ANO1: variants seen among roughly 807,000 people sequenced by gnomAD.
ANO1 encodes the protein anoctamin 1, also known as anoctamin-1.
A neutral mutation model predicts 124.0 loss-of-function variants in ANO1; 59 were observed. The ratio of observed to expected loss-of-function variants is 0.48; its 90% confidence interval spans 0.39 to 0.59. The LOEUF (loss-of-function observed/expected upper bound fraction) is 0.59, where lower values mean the gene tolerates loss of function less well. ANO1 is among the 20% of genes least tolerant of loss of function. ANO1 has a pLI of 0.00. For missense variants in ANO1, 1,059 were observed against 1,328.0 expected (o/e 0.80, Z 3.15); for synonymous variants, 529 against 532.0 (o/e 0.99, Z 0.08).
chr11:70,096,445 T>TA (rs2044965398), intron 2 of ANO1, among the ~76,000 whole-genome samples: 1 of 152,182 alleles, frequency 6.6e-6, no homozygotes, highest in Non-Finnish European at 1.5e-5. Context: ...GAGCTCTGCC[T>TA]CCTGTCAGAT....
chr11:70,162,652 G>A (rs1308469774), intron 18 of ANO1, among the ~76,000 whole-genome samples: 1 of 149,400 alleles, frequency 6.7e-6, no homozygotes, highest in Non-Finnish European at 1.5e-5. Flanking sequence ...TGATCTCAGA[G>A]CCCCCAAAAA....
chr11:70,078,762 C>T, intron 1 of ANO1, 48 bp downstream of exon 1: 3 of 1,302,832 alleles, frequency 2.3e-6, no homozygotes, highest in South Asian at 3.2e-5. Context: ...CGCACCTGCG[C>T]CTTGGCGAGG....
the ANO1 span, among the ~76,000 whole-genome samples, chr11:69,969,948 A>AAAAC: frequency 0.093 from 14,178 of 151,870 alleles, 888 homozygotes; most frequent in Admixed American, 0.15. Flanking sequence ...CTCATCTCAA[A>AAAAC]AAACAAACAA....
intron 1 of ANO1, among the ~76,000 whole-genome samples, chr11:70,034,207 C>G (rs1345842530): frequency 3.3e-5 from 5 of 152,112 alleles, no homozygotes; most frequent in African/African-American, 1.2e-4. Flanking sequence ...TCAGCCGATA[C>G]CTAGCCTAGA....
intron 1 of ANO1, among the ~76,000 whole-genome samples, chr11:70,044,431 G>A (rs1857227475): frequency 1.3e-5 from 2 of 152,134 alleles, no homozygotes; most frequent in African/African-American, 4.8e-5. Context: ...GGACAAAGAA[G>A]TCAGCTGGAA....
At chr11:69,992,963 G>C (rs1856184451) in intron 1 of ANO1, among the ~76,000 whole-genome samples, 1 of 152,164 alleles carries the variant, frequency 6.6e-6, no homozygotes, top group African/African-American at 2.4e-5. Flanking sequence ...CCTGGAAGGG[G>C]ACCCACACAT....
intron 2 of ANO1, among the ~76,000 whole-genome samples, chr11:70,102,175 A>T (rs1047944398): frequency 6.6e-6 from 1 of 152,146 alleles, no homozygotes; most frequent in Non-Finnish European, 1.5e-5. Context: ...AAGAGTGGGG[A>T]GTCAGGGCAG....
rs112424183 is a variant in ANO1, at chr11:70,041,089, T to G, written c.59-37453T>G. Among the ~76,000 whole-genome samples, 731 of 152,276 alleles carry G rather than the reference T, an allele frequency of 4.8e-3. 2 individuals carry two copies. The highest frequency in any genetic ancestry group is 0.017 in the African/African-American group (706 of 41,562). On this transcript the variant is annotated intron_variant, in intron 1 of 27. Coordinates refer to the ANO1 transcript ENST00000531349. ...GCCCTGAGACTCCATGAGGCTGTGA[T>G]GCTTTGGGGCACACCCACCCCACCC...
At chr11:70,158,277 C>T (rs978336849) in intron 16 of ANO1, among the ~76,000 whole-genome samples, 1 of 152,150 alleles carries the variant, frequency 6.6e-6, no homozygotes, top group African/African-American at 2.4e-5. Flanking sequence ...TTTCCATCAC[C>T]CCCCAAGTAC....
Position 70,161,274 on chromosome 11 carries a change from C to T in ANO1, c.1692C>T (p.Val564=). Residue 564 remains valine (V), a synonymous_variant, in exon 17 of 26, where the codon GTC becomes GTT. Transcript: ENST00000355303. ...PSVRSNIRVT[V]TATAVIINLV... is the part of the protein sequence containing the mutation. ...TGCGGTCCAACATCCGGGTCACAGT[C>T]ACAGCCACCGCAGTCATCATCAACC... 1 of 1,613,924 alleles carries T rather than the reference C, an allele frequency of 6.2e-7. No individual in the cohort carries two copies. Among genetic ancestry groups the T allele is most frequent in the Non-Finnish European group, 8.5e-7 (1 of 1,179,798 alleles).
chr11:70,083,797 A>C (rs1590681801), intron 1 of ANO1, among the ~76,000 whole-genome samples: 2 of 152,180 alleles, frequency 1.3e-5, no homozygotes, highest in African/African-American at 4.8e-5. Context: ...ATCTCTAGAC[A>C]GTCCCTGGCC....
At chr11:70,079,825 G>T (rs2044150395) in intron 1 of ANO1, among the ~76,000 whole-genome samples, 1 of 152,340 alleles carries the variant, frequency 6.6e-6, no homozygotes, top group Admixed American at 6.5e-5. Context: ...CTGTTCCAGC[G>T]ACAGCAGGGA....
chr11:70,049,174 G>A (rs1328963916), intron 1 of ANO1, among the ~76,000 whole-genome samples: 2 of 152,076 alleles, frequency 1.3e-5, no homozygotes, highest in African/African-American at 2.4e-5. Context: ...ACCATGACCC[G>A]ACATGAAGTG....
chr11:70,004,212 T>G (rs1246210583), intron 1 of ANO1, among the ~76,000 whole-genome samples: 2 of 152,178 alleles, frequency 1.3e-5, no homozygotes, highest in Non-Finnish European at 2.9e-5. Context: ...GTTGGCTGGA[T>G]GTTTTTCAAG....
intron 1 of ANO1, among the ~76,000 whole-genome samples, chr11:69,997,685 C>T (rs953418573): frequency 6.6e-6 from 1 of 152,148 alleles, no homozygotes; most frequent in Admixed American, 6.5e-5. Flanking sequence ...TCATGGGGGC[C>T]GTTTCTCATG....
upstream of ANO1, among the ~76,000 whole-genome samples, chr11:69,982,003 G>T (rs1400403984): frequency 6.6e-6 from 1 of 152,200 alleles, no homozygotes; most frequent in Non-Finnish European, 1.5e-5. Context: ...ACAGAAGGCA[G>T]GCCAATGGTT....
intron 1 of ANO1, among the ~76,000 whole-genome samples, chr11:70,062,067 C>CTTTTTTTTTTTTTT (rs1175846749): frequency 1.6e-5 from 1 of 62,270 alleles, no homozygotes; most frequent in Non-Finnish European, 3.0e-5. Flanking sequence ...TTCCTTCTTT[C>CTTTTTTTTTTTTTT]TTTTTTTTTT....
Position 70,106,104 on chromosome 11 carries a change from G to A in ANO1, c.747+316G>A, listed in dbSNP as rs377353248. Among the ~76,000 whole-genome samples, 11 of 152,262 alleles carry A rather than the reference G, an allele frequency of 7.2e-5. No homozygotes were observed. The East Asian group carries it at 1.2e-3, about 16-fold the overall frequency. ...CCAGCACATGTCTCAGAGCCGCCTC[G>A]TGGTGGGATTGTGCGTGCCTGACCA... On this transcript the variant is annotated intron_variant, in intron 5 of 25. Transcript: ENST00000355303.
At chr11:69,976,179 A>G in the ANO1 span, among the ~76,000 whole-genome samples, 1 of 152,144 alleles carries the variant, frequency 6.6e-6, no homozygotes, top group Non-Finnish European at 1.5e-5. Flanking sequence ...ATGCAACTGT[A>G]TCAAGTTAAA....
Sources: gnomAD v4.1 joint callset for allele counts (sites outside exome capture counted in the v4.1 genomes callset) on GRCh38, gnomAD v4.1.1 for gene constraint, MANE v1.5 for transcripts, NCBI Gene and HGNC (gene_info 2026-07-23, HGNC 2026-07-21) for gene names.